USP54: variants seen among roughly 807,000 people sequenced by gnomAD.
USP54 encodes the protein ubiquitin carboxyl-terminal hydrolase 54.
USP54 carries 87 observed loss-of-function variants against 170.5 expected under a neutral mutation model. That is an observed-to-expected ratio of 0.51 (90% CI 0.43 to 0.61). The LOEUF (loss-of-function observed/expected upper bound fraction) is 0.61. Among genes scored for constraint, USP54 ranks in the 20% least tolerant of loss-of-function variants. USP54 has a pLI of 0.00. For synonymous variants in USP54, 655 were observed against 742.8 expected (o/e 0.88, Z 1.92); for missense variants, 1,786 against 2,047.8 (o/e 0.87, Z 2.47).
intron 19 of USP54, chr10:73,518,125 G>A: frequency 1.0e-6 from 1 of 954,238 alleles, no homozygotes; most frequent in Non-Finnish European, 1.2e-6. Context: ...GGTAAGCAAA[G>A]CCTGAAAATC....
At chr10:73,611,419 T>G (rs1055164935) in intron 1 of USP54, 1 of 151,882 alleles carries the variant, frequency 6.6e-6, no homozygotes, top group Non-Finnish European at 1.5e-5. Context: ...AAGGCTAAGG[T>G]GGGAGGATGG....
At chr10:73,525,541 A>T (rs188673555) in intron 16 of USP54, among the ~76,000 whole-genome samples, 384 of 152,292 alleles carry the variant, frequency 2.5e-3, no homozygotes, top group African/African-American at 8.7e-3. Context: ...TAGTGTAATT[A>T]AAAAAATGCT....
chr10:73,549,563 G>A (rs1452821844), intron 4 of USP54, among the ~76,000 whole-genome samples: 1 of 152,060 alleles, frequency 6.6e-6, no homozygotes, highest in Non-Finnish European at 1.5e-5. Context: ...CCCTTCCCTT[G>A]CTTTCACAAC....
chr10:73,525,269 T>G (rs2062654366), intron 16 of USP54, among the ~76,000 whole-genome samples: 1 of 152,230 alleles, frequency 6.6e-6, no homozygotes, highest in South Asian at 2.1e-4. Context: ...GGACTTGATT[T>G]ACCCCTGTAG....
chr10:73,568,244 G>A (rs886409406), intron 4 of USP54, among the ~76,000 whole-genome samples: 2 of 152,120 alleles, frequency 1.3e-5, no homozygotes. Flanking sequence ...GGGAACAAAA[G>A]AGACATCGTA....
chr10:73,543,217 G>A, intron 5 of USP54, 86 bp from the exon 6 acceptor site: 3 of 910,440 alleles, frequency 3.3e-6, no homozygotes, highest in Non-Finnish European at 5.3e-6. Flanking sequence ...CATAGAAACA[G>A]CAACCCTTCT....
chr10:73,571,980 T>C (rs1012336972), intron 3 of USP54, among the ~76,000 whole-genome samples: 1 of 152,152 alleles, frequency 6.6e-6, no homozygotes, highest in Non-Finnish European at 1.5e-5. Context: ...CTTAAGTCAA[T>C]AGGGTAAAAA....
chr10:73,516,851 C>T lies in USP54; in HGVS notation c.3575G>A (p.Gly1192Asp), dbSNP rs1470836826. The T allele has an allele frequency of 4.3e-6, 7 of 1,614,254 alleles. No homozygotes were observed. Among genetic ancestry groups the T allele is most frequent in the South Asian group, 1.1e-5 (1 of 91,088 alleles). ...PWAKQQSSLE[G>D]GDRPLSWEES... Reference sequence around the variant, plus strand: ...TTCCCAGGAAAGTGGTCTATCCCCACCCTCCAGAGAGGATTGTTGCTTTGC... The same window carrying T: ...TTCCCAGGAAAGTGGTCTATCCCCATCCTCCAGAGAGGATTGTTGCTTTGC... Residue 1192 changes from glycine (G) to aspartate (D), a missense_variant, in exon 20 of 24, where the codon GGT becomes GAT. By Grantham distance (94) the Gly-to-Asp change is moderately conservative (BLOSUM62 -1). Around this residue, in one of 3 missense-constraint regions of USP54, gnomAD observed 1,418 missense variants for 1,569.0 expected, o/e 0.90. Transcript: ENST00000687698.
At chr10:73,614,606 C>CATA (rs1295179333) in intron 1 of USP54, among the ~76,000 whole-genome samples, 7 of 140,980 alleles carry the variant, frequency 5.0e-5, no homozygotes, top group Non-Finnish European at 1.1e-4. Context: ...TACATACATA[C>CATA]ATACACAAAT....
chr10:73,575,577 C>A lies in USP54; in HGVS notation c.82G>T (p.Ala28Ser), dbSNP rs1269533463. The change falls in exon 3 of 24, where the codon GCC (alanine) becomes TCC (serine). Residue 28 changes from alanine (A) to serine (S), a missense_variant. By Grantham distance (99) the Ala-to-Ser change is moderately conservative (BLOSUM62 1). This residue lies in a region of USP54 where 361 missense variants were observed against 455.0 expected (regional missense o/e 0.79). Coordinates refer to ENST00000687698, the MANE Select transcript of USP54 (RefSeq NM_001391956.1). ...TCATTGCTGAGGCCTTTGCTGGGGG[C>A]TATGGAGGTTGAGCTTCGAGGTGCA... is the stretch of plus-strand genomic sequence containing the variant. ...MFAPRSSTSI[A>S]PSKGLSNEPG... 2.5e-6 allele frequency: 4 copies of A among 1,613,834 alleles called. No homozygotes were observed. In the African/African-American group the frequency reaches 4.0e-5, roughly 16 times the overall value.
intron 1 of USP54, among the ~76,000 whole-genome samples, chr10:73,598,662 A>G (rs1263812707): frequency 6.6e-6 from 1 of 152,080 alleles, no homozygotes; most frequent in Non-Finnish European, 1.5e-5. Context: ...CTGTAATCCC[A>G]GCACTTTGGG....
chr10:73,619,485 C>A (rs1478941791), intron 1 of USP54, among the ~76,000 whole-genome samples: 1 of 147,874 alleles, frequency 6.8e-6, no homozygotes, highest in Admixed American at 6.7e-5. Context: ...AATCCACCCA[C>A]CTTGAGCCTT....
rs190478113 is a variant in USP54 at position 73,525,419 on chromosome 10, T to C, written c.2194+1228A>G. On this transcript the variant is annotated intron_variant, in intron 16 of 23. Transcript: ENST00000687698. ...GGGGTGATATGGTGTGTGAAGAATC[T>C]TGTCATAACTCCTTGCTAATTATCT... Among the ~76,000 whole-genome samples the C allele has an allele frequency of 1.6e-3, 238 of 152,314 alleles. 1 individual carries two copies. The highest frequency in any genetic ancestry group is 5.5e-3 in the African/African-American group (229 of 41,566).
intron 1 of USP54, among the ~76,000 whole-genome samples, chr10:73,584,042 G>A (rs2077193049): frequency 6.6e-6 from 1 of 152,142 alleles, no homozygotes; most frequent in African/African-American, 2.4e-5. Flanking sequence ...AGGCATTTGG[G>A]AAATAAATAT....
chr10:73,598,217 T>C (rs2078884310), intron 1 of USP54, among the ~76,000 whole-genome samples: 1 of 152,174 alleles, frequency 6.6e-6, no homozygotes, highest in Non-Finnish European at 1.5e-5. Context: ...AACATATCCT[T>C]CATGGATAAG....
intron 12 of USP54, among the ~76,000 whole-genome samples, chr10:73,533,954 A>G (rs1564729993): frequency 6.6e-6 from 1 of 152,232 alleles, no homozygotes; most frequent in African/African-American, 2.4e-5. Flanking sequence ...ATGATGTGCA[A>G]GATCACAGGG....
upstream of USP54, among the ~76,000 whole-genome samples, chr10:73,592,720 T>C (rs1408657344): frequency 6.6e-6 from 1 of 152,054 alleles, no homozygotes; most frequent in Non-Finnish European, 1.5e-5. Context: ...AAAACTAGAG[T>C]ACTGGGACAG....
At chr10:73,602,108 T>C (rs2079211621) in intron 1 of USP54, among the ~76,000 whole-genome samples, 1 of 152,250 alleles carries the variant, frequency 6.6e-6, no homozygotes, top group Non-Finnish European at 1.5e-5. Flanking sequence ...CTAAATGTAC[T>C]GTATGTATTT....
At chr10:73,554,103 G>A (rs1313567234) in intron 4 of USP54, among the ~76,000 whole-genome samples, 1 of 152,160 alleles carries the variant, frequency 6.6e-6, no homozygotes. Flanking sequence ...GGGAACAGCT[G>A]TTTTTTTCTC....
Sources: gnomAD v4.1 joint callset for allele counts (sites outside exome capture counted in the v4.1 genomes callset) on GRCh38, gnomAD v4.1.1 for gene constraint, gnomAD v4.1.1 regional missense constraint, MANE v1.5 for transcripts, NCBI Gene and HGNC (gene_info 2026-07-23, HGNC 2026-07-21) for gene names.